CA10: variants seen among roughly 807,000 people sequenced by gnomAD.
The protein encoded by CA10 is carbonic anhydrase 10 (inactive).
Under a neutral mutation model 44.2 loss-of-function variants are expected in CA10, and 14 were observed. The ratio of observed to expected loss-of-function variants is 0.32; its 90% CI spans 0.21 to 0.50. The LOEUF (loss-of-function observed/expected upper bound fraction) is 0.50, where lower values mean the gene tolerates loss of function less well. Among genes scored for constraint, CA10 ranks in the 20% least tolerant of loss-of-function variants. The probability of loss-of-function intolerance (pLI) is 0.99; values close to 1 mark genes in which losing one functional copy is unlikely to be tolerated. For missense variants in CA10, 350 were observed against 409.7 expected (o/e 0.85, Z 1.26); for synonymous variants, 159 against 141.6 (o/e 1.12, Z -0.87).
chr17:51,871,050 C>CT (rs56319440), intron 3 of CA10, among the ~76,000 whole-genome samples: 3,088 of 94,644 alleles, frequency 0.033, 683 homozygotes, highest in Admixed American at 0.051. Context: ...TCCCACTTTA[C>CT]TTTTTTTTTT....
intron 6 of CA10, among the ~76,000 whole-genome samples, chr17:51,645,827 T>C (rs1247134308): frequency 6.6e-6 from 1 of 152,242 alleles, no homozygotes; most frequent in African/African-American, 2.4e-5. Context: ...TGTTCACTTC[T>C]TCCTCATCTT....
intron 2 of CA10, among the ~76,000 whole-genome samples, chr17:51,995,741 G>A (rs1985212325): frequency 6.6e-6 from 1 of 152,002 alleles, no homozygotes; most frequent in Non-Finnish European, 1.5e-5. Context: ...TGAGATGGTT[G>A]GATTTTCAGA....
At chr17:51,806,833 G>C (rs917357172) in intron 3 of CA10, among the ~76,000 whole-genome samples, 1 of 152,178 alleles carries the variant, frequency 6.6e-6, no homozygotes, top group African/African-American at 2.4e-5. Context: ...CCTTCATTGG[G>C]GAAATTGTTG....
chr17:52,048,033 C>A (rs1986959225), intron 2 of CA10, among the ~76,000 whole-genome samples: 1 of 140,314 alleles, frequency 7.1e-6, no homozygotes, highest in Non-Finnish European at 1.6e-5. Flanking sequence ...ATCTCCCACA[C>A]CCACAAAAAT....
At chr17:52,042,954 T>C (rs1025751819) in intron 2 of CA10, among the ~76,000 whole-genome samples, 25 of 152,050 alleles carry the variant, frequency 1.6e-4, no homozygotes, top group African/African-American at 5.5e-4. Flanking sequence ...TTGGTCTGTT[T>C]GTCTGTTTTT....
intron 2 of CA10, among the ~76,000 whole-genome samples, chr17:51,963,770 T>C (rs577863884): frequency 6.6e-6 from 1 of 152,286 alleles, no homozygotes; most frequent in South Asian, 2.1e-4. Flanking sequence ...AAGGGAATTA[T>C]AAACATGGAG....
At position 52,012,605 on chromosome 17, in the gene CA10, A is replaced by G. The variant is rs146752698; in HGVS notation, c.136+59714T>C. Among the ~76,000 whole-genome samples, 12 of 152,204 alleles carry G rather than the reference A, an allele frequency of 7.9e-5. No homozygotes were observed. In the East Asian group the frequency reaches 2.1e-3, roughly 27 times the overall value. Reference sequence around the variant, plus strand: ...CAAGAAATGTAAATGGTTCAAAGTTAAACTATGTTCAGTACGTTCAGTGAT... The same window carrying G: ...CAAGAAATGTAAATGGTTCAAAGTTGAACTATGTTCAGTACGTTCAGTGAT... On this transcript the variant is annotated intron_variant, in intron 2 of 8. Coordinates refer to ENST00000451037, the MANE Select transcript of CA10 (RefSeq NM_020178.5).
chr17:52,108,904 T>C (rs1388850215), intron 1 of CA10, among the ~76,000 whole-genome samples: 1 of 151,812 alleles, frequency 6.6e-6, no homozygotes, highest in Non-Finnish European at 1.5e-5. Context: ...CAACAAGTTA[T>C]GGAGAAATAA....
intron 2 of CA10, among the ~76,000 whole-genome samples, chr17:52,052,792 C>A (rs1240913589): frequency 2.0e-5 from 3 of 152,086 alleles, no homozygotes; most frequent in Non-Finnish European, 2.9e-5. Flanking sequence ...TAGAGTACAA[C>A]CTATGAAAGC....
At chr17:51,728,330 A>G (rs1468577362) in intron 4 of CA10, among the ~76,000 whole-genome samples, 4 of 152,080 alleles carry the variant, frequency 2.6e-5, no homozygotes, top group Admixed American at 6.6e-5. Flanking sequence ...GCACAACACT[A>G]TGAACTAAAT....
chr17:51,914,036 G>A (rs868170059), intron 3 of CA10, among the ~76,000 whole-genome samples: 5 of 152,220 alleles, frequency 3.3e-5, no homozygotes, highest in Non-Finnish European at 5.9e-5. Flanking sequence ...GACTGCCTAG[G>A]AGAAACAGAG....
At chr17:51,635,341 C>T (rs1480446440) in intron 7 of CA10, among the ~76,000 whole-genome samples, 1 of 151,910 alleles carries the variant, frequency 6.6e-6, no homozygotes, top group Non-Finnish European at 1.5e-5. Context: ...GATGAAACCC[C>T]ATCTCTACTA....
chr17:52,081,633 T>C (rs1293095995), intron 1 of CA10, among the ~76,000 whole-genome samples: 2 of 151,918 alleles, frequency 1.3e-5, no homozygotes, highest in East Asian at 3.9e-4. Context: ...ACCCCGTCTC[T>C]ACTAAAAATA....
intron 3 of CA10, among the ~76,000 whole-genome samples, chr17:51,890,034 T>A (rs1395485097): frequency 1.3e-5 from 2 of 152,146 alleles, no homozygotes; most frequent in Admixed American, 1.3e-4. Flanking sequence ...ATTCACTTAG[T>A]TTTCTTCAGT....
intron 1 of CA10, among the ~76,000 whole-genome samples, chr17:52,080,278 C>T (rs1987934472): frequency 6.6e-6 from 1 of 151,932 alleles, no homozygotes. Flanking sequence ...CGGCAAAACC[C>T]CGTCTCTACC....
intron 3 of CA10, among the ~76,000 whole-genome samples, chr17:51,836,436 G>A (rs1908479613): frequency 6.6e-6 from 1 of 152,230 alleles, no homozygotes; most frequent in Non-Finnish European, 1.5e-5. Context: ...TGGTAAAGAA[G>A]TCAGGTTTCT....
intron 2 of CA10, among the ~76,000 whole-genome samples, chr17:51,968,151 A>T (rs1984150204): frequency 6.6e-6 from 1 of 151,864 alleles, no homozygotes; most frequent in South Asian, 2.1e-4. Flanking sequence ...ACAGTTTGAT[A>T]ATTTGTTATA....
intron 7 of CA10, among the ~76,000 whole-genome samples, chr17:51,635,199 CA>C (rs1183639929): frequency 3.3e-5 from 5 of 152,130 alleles, no homozygotes; most frequent in South Asian, 4.1e-4. Context: ...GCCTCAGACA[CA>C]GGGAGAACAC....
intron 2 of CA10, among the ~76,000 whole-genome samples, chr17:51,959,592 C>T (rs188525228): frequency 2.3e-4 from 35 of 151,866 alleles, no homozygotes; most frequent in Admixed American, 4.6e-4. Flanking sequence ...ACCAAGGCAG[C>T]GTAACAACTG....
Sources: allele counts gnomAD v4.1 joint callset (sites outside exome capture counted in the v4.1 genomes callset), GRCh38; gene constraint gnomAD v4.1.1; transcripts MANE v1.5; gene names NCBI Gene and HGNC (gene_info 2026-07-23, HGNC 2026-07-21).